Variants in ZNF407 observed in about 807,000 individuals in gnomAD.
ZNF407 encodes zinc finger protein 407.
ZNF407 carries 17 observed loss-of-function variants against 131.2 expected under a neutral mutation model. The ratio of observed to expected loss-of-function variants is 0.13; its 90% confidence interval spans 0.09 to 0.19. The LOEUF is 0.19. Ranked by LOEUF, ZNF407 falls within the 10% of genes least tolerant of loss-of-function variation. ZNF407 has a pLI of 1.00. For missense variants in ZNF407, 2,681 were observed against 2,830.6 expected (o/e 0.95, Z 1.20); for synonymous variants, 1,156 against 1,062.0 (o/e 1.09, Z -1.72).
rs1453257264 is a variant in ZNF407, at chr18:74,632,719, T to C, written c.1700T>C (p.Met567Thr). The C allele has an allele frequency of 6.2e-7, 1 of 1,614,060 alleles. No individual in the cohort carries two copies. ...FYCRTCDFSS[M>T]SRRDLDEHLH... ...TGCCGTACTTGTGACTTCTCTAGTA[T>C]GTCAAGAAGGGACTTAGATGAACAT... Residue 567 changes from methionine to threonine, a missense_variant, in exon 2 of 9, where the codon ATG becomes ACG. Physicochemically the swap from Met to Thr is moderately conservative, Grantham distance 81 (BLOSUM62 -1). Coordinates refer to ENST00000299687, the MANE Select transcript of ZNF407 (RefSeq NM_017757.3).
chr18:74,630,713 A>G (rs1984019931), intron 1 of ZNF407, among the ~76,000 whole-genome samples: 1 of 152,132 alleles, frequency 6.6e-6, no homozygotes, highest in South Asian at 2.1e-4. Flanking sequence ...GTTTTTCTGC[A>G]AGCTTGTTGA....
chr18:74,717,261 A>G (rs951191725), intron 3 of ZNF407, among the ~76,000 whole-genome samples: 1 of 152,180 alleles, frequency 6.6e-6, no homozygotes, highest in South Asian at 2.1e-4. Flanking sequence ...AGTCCTGTTA[A>G]GGAGGAGGCT....
At chr18:75,058,019 A>G (rs1973580847) in intron 8 of ZNF407, among the ~76,000 whole-genome samples, 1 of 152,218 alleles carries the variant, frequency 6.6e-6, no homozygotes, top group African/African-American at 2.4e-5. Context: ...GTAAGGAAGG[A>G]GCAGCACACA....
chr18:74,676,212 C>T (rs576142184), intron 3 of ZNF407, among the ~76,000 whole-genome samples: 18 of 151,854 alleles, frequency 1.2e-4, no homozygotes, highest in Non-Finnish European at 1.8e-4. Flanking sequence ...CAGCCTCAGC[C>T]TCCTGAGTAG....
chr18:74,984,480 T>C (rs1264285486), intron 8 of ZNF407, among the ~76,000 whole-genome samples: 1 of 152,260 alleles, frequency 6.6e-6, no homozygotes, highest in Non-Finnish European at 1.5e-5. Context: ...TATCAAATTG[T>C]ATGTAGTTTA....
chr18:74,678,525 C>T (rs1966906138), intron 3 of ZNF407, among the ~76,000 whole-genome samples: 2 of 152,264 alleles, frequency 1.3e-5, no homozygotes, highest in South Asian at 4.1e-4. Flanking sequence ...TGGCAGAACC[C>T]TTAGGAAAAA....
intron 3 of ZNF407, among the ~76,000 whole-genome samples, chr18:74,671,498 TCTCC>T (rs1216106634): frequency 2.6e-5 from 4 of 152,146 alleles, no homozygotes; most frequent in African/African-American, 4.8e-5. Flanking sequence ...TTTCTGTTCC[TCTCC>T]CTCCTCCCAC....
At chr18:74,989,250 C>T (rs1461394110) in intron 8 of ZNF407, among the ~76,000 whole-genome samples, 1 of 152,150 alleles carries the variant, frequency 6.6e-6, no homozygotes, top group African/African-American at 2.4e-5. Flanking sequence ...CTGGAAAAGA[C>T]AGATCTCTAG....
intron 3 of ZNF407, among the ~76,000 whole-genome samples, chr18:74,678,518 C>T (rs186700299): frequency 2.6e-5 from 4 of 152,152 alleles, no homozygotes; most frequent in African/African-American, 9.7e-5. Context: ...TCTGAAGTGG[C>T]AGAACCCTTA....
At chr18:74,855,681 A>G (rs966782568) in intron 4 of ZNF407, among the ~76,000 whole-genome samples, 7 of 152,222 alleles carry the variant, frequency 4.6e-5, no homozygotes, top group East Asian at 3.8e-4. Flanking sequence ...AAAAGTTGCA[A>G]TGGGTTTTGT....
At chr18:74,675,876 A>G (rs1986335654) in intron 3 of ZNF407, among the ~76,000 whole-genome samples, 2 of 152,214 alleles carry the variant, frequency 1.3e-5, no homozygotes, top group African/African-American at 4.8e-5. Context: ...TAGACCTTTC[A>G]AACCTATAGA....
intron 3 of ZNF407, among the ~76,000 whole-genome samples, chr18:74,693,193 T>C (rs1483948394): frequency 2.0e-5 from 3 of 152,242 alleles, no homozygotes; most frequent in Non-Finnish European, 4.4e-5. Flanking sequence ...AAGACCTTGA[T>C]TTTATTTAGA....
chr18:74,807,186 G>T (rs1970122883), intron 4 of ZNF407, among the ~76,000 whole-genome samples: 1 of 152,178 alleles, frequency 6.6e-6, no homozygotes, highest in Non-Finnish European at 1.5e-5. Context: ...GAGAGTCCCT[G>T]TATTCTGAGG....
intron 3 of ZNF407, among the ~76,000 whole-genome samples, chr18:74,749,591 G>T (rs1265093638): frequency 6.6e-6 from 1 of 152,190 alleles, no homozygotes; most frequent in Non-Finnish European, 1.5e-5. Flanking sequence ...AAAGAGGAAT[G>T]CAGCAGAGAT....
At chr18:74,840,725 C>T (rs780068312) in intron 4 of ZNF407, among the ~76,000 whole-genome samples, 16 of 152,186 alleles carry the variant, frequency 1.1e-4, no homozygotes, top group Non-Finnish European at 1.6e-4. Flanking sequence ...TTCCTGTTTA[C>T]ATAGGCCATA....
intron 8 of ZNF407, among the ~76,000 whole-genome samples, chr18:74,949,262 A>G (rs1425708907): frequency 1.3e-5 from 2 of 152,226 alleles, no homozygotes; most frequent in Admixed American, 6.5e-5. Context: ...CCTTCGAACT[A>G]TGAGCTAGTG....
chr18:74,763,196 C>CTTTTTT lies in ZNF407; in HGVS notation c.4803-18210_4803-18205dup, dbSNP rs71170316. ...ATGATTTTGAGCATCTTCTTAGGAC[C>CTTTTTT]TTTTTTTTTTTTTTTTTTTTTTTTT... On this transcript the variant is annotated intron_variant, in intron 3 of 8. Coordinates refer to ENST00000299687, the MANE Select transcript of ZNF407 (RefSeq NM_017757.3). 6.2e-4 allele frequency among the ~76,000 whole-genome samples: 11 copies of CTTTTTT among 17,784 alleles called. 2 individuals carry two copies. The highest frequency in any genetic ancestry group is 1.5e-3 in the African/African-American group (10 of 6,616). 11.7% of individuals were successfully genotyped at this position (17,784 alleles called of 152,430 possible). A position where few individuals can be genotyped will look rare whatever the true frequency, so the allele number is the denominator to read the frequency against.
At chr18:74,804,314 A>C (rs1970075211) in intron 4 of ZNF407, 4 of 1,136,580 alleles carry the variant, frequency 3.5e-6, no homozygotes, top group Non-Finnish European at 3.2e-6. Context: ...AAAAAAAAAA[A>C]ACCCTTAATG....
intron 7 of ZNF407, among the ~76,000 whole-genome samples, chr18:74,900,628 T>C (rs1971511781): frequency 6.6e-6 from 1 of 152,200 alleles, no homozygotes; most frequent in African/African-American, 2.4e-5. Context: ...TTTAAACAAT[T>C]TTTGCTAATG....
Sources: allele counts gnomAD v4.1 joint callset (sites outside exome capture counted in the v4.1 genomes callset), GRCh38; gene constraint gnomAD v4.1.1; transcripts MANE v1.5; gene names NCBI Gene and HGNC (gene_info 2026-07-23, HGNC 2026-07-21).